Variants in NKAIN2 observed in about 807,000 individuals in gnomAD.
NKAIN2 encodes the protein sodium/potassium-transporting ATPase subunit beta-1-interacting protein 2.
Under a neutral mutation model 32.6 loss-of-function variants are expected in NKAIN2, and 14 were observed. That is an observed-to-expected ratio of 0.43 (90% CI 0.28 to 0.67). NKAIN2 has a LOEUF of 0.67. NKAIN2 is among the 30% of genes least tolerant of loss of function. The probability of loss-of-function intolerance (pLI) is 0.17; values close to 1 mark genes in which losing one functional copy is unlikely to be tolerated. For missense variants in NKAIN2, 198 were observed against 258.3 expected (o/e 0.77, Z 1.60); for synonymous variants, 80 against 87.2 (o/e 0.92, Z 0.46).
At chr6:124,582,485 A>G (rs1434850720) in intron 3 of NKAIN2, among the ~76,000 whole-genome samples, 1 of 152,190 alleles carries the variant, frequency 6.6e-6, no homozygotes, top group African/African-American at 2.4e-5. Context: ...CCCAGCAATG[A>G]AAAGCTCAGG....
At chr6:124,485,670 C>T (rs555771) in intron 3 of NKAIN2, among the ~76,000 whole-genome samples, 148,409 of 152,246 alleles carry the variant, frequency 0.97, 72,440 homozygotes, top group East Asian at 1. Context: ...CCTCAGATGA[C>T]CTTCTGACCC....
intron 1 of NKAIN2, among the ~76,000 whole-genome samples, chr6:124,123,033 CTA>C (rs2114991906): frequency 6.6e-6 from 1 of 151,952 alleles, no homozygotes; most frequent in East Asian, 1.9e-4. Flanking sequence ...ATTTTAATCT[CTA>C]TTGTGATAAG....
At chr6:123,816,992 G>A (rs1232665801) in intron 1 of NKAIN2, among the ~76,000 whole-genome samples, 2 of 152,144 alleles carry the variant, frequency 1.3e-5, no homozygotes, top group Non-Finnish European at 2.9e-5. Context: ...AACACAGTGA[G>A]GAGAGAAAAA....
At chr6:124,380,355 G>A (rs1480426538) in intron 3 of NKAIN2, among the ~76,000 whole-genome samples, 1 of 152,164 alleles carries the variant, frequency 6.6e-6, no homozygotes, top group Non-Finnish European at 1.5e-5. Context: ...ATATTTCCTA[G>A]GGACTATATT....
At chr6:124,795,601 A>G (rs1277795164) in intron 5 of NKAIN2, among the ~76,000 whole-genome samples, 1 of 152,178 alleles carries the variant, frequency 6.6e-6, no homozygotes, top group Non-Finnish European at 1.5e-5. Flanking sequence ...GCAACATATT[A>G]TAAGTAAGGT....
At chr6:124,136,938 T>A (rs1384577358) in intron 1 of NKAIN2, among the ~76,000 whole-genome samples, 1 of 152,202 alleles carries the variant, frequency 6.6e-6, no homozygotes, top group Non-Finnish European at 1.5e-5. Flanking sequence ...TATTCCCCCC[T>A]GAGAATTAGA....
At chr6:124,557,622 C>T (rs911473112) in intron 3 of NKAIN2, among the ~76,000 whole-genome samples, 5 of 152,276 alleles carry the variant, frequency 3.3e-5, no homozygotes, top group African/African-American at 4.8e-5. Flanking sequence ...CTGTTCCCCA[C>T]GTTTTCACAG....
At chr6:124,622,268 A>T (rs751509019) in intron 3 of NKAIN2, among the ~76,000 whole-genome samples, 4 of 152,166 alleles carry the variant, frequency 2.6e-5, no homozygotes, top group African/African-American at 4.8e-5. Flanking sequence ...TTATAAGAAT[A>T]CTTACCACTG....
intron 3 of NKAIN2, among the ~76,000 whole-genome samples, chr6:124,536,338 G>A (rs1222948564): frequency 6.6e-6 from 1 of 152,044 alleles, no homozygotes; most frequent in Non-Finnish European, 1.5e-5. Context: ...TCCTAAAGTA[G>A]AAATAATCGC....
At chr6:124,286,318 C>T (rs945828430) in intron 2 of NKAIN2, among the ~76,000 whole-genome samples, 3 of 151,810 alleles carry the variant, frequency 2.0e-5, no homozygotes, top group African/African-American at 2.4e-5. Context: ...TAATCATTTC[C>T]AACAAAAATA....
intron 5 of NKAIN2, among the ~76,000 whole-genome samples, chr6:124,800,540 A>G (rs547106219): frequency 6.6e-6 from 1 of 152,350 alleles, no homozygotes; most frequent in South Asian, 2.1e-4. Context: ...TTGTTTAAAT[A>G]ATAGAAAGTA....
chr6:124,576,482 G>T (rs1158819372), intron 3 of NKAIN2, among the ~76,000 whole-genome samples: 1 of 152,166 alleles, frequency 6.6e-6, no homozygotes, highest in Non-Finnish European at 1.5e-5. Context: ...GGGCTGGACA[G>T]CTTACAAATA....
intron 5 of NKAIN2, among the ~76,000 whole-genome samples, chr6:124,792,829 A>C (rs1313651159): frequency 6.6e-6 from 1 of 152,172 alleles, no homozygotes; most frequent in African/African-American, 2.4e-5. Context: ...GAAAATTGGA[A>C]AAACAAGTAT....
chr6:124,480,028 T>C (rs1185052518), intron 3 of NKAIN2, among the ~76,000 whole-genome samples: 1 of 152,206 alleles, frequency 6.6e-6, no homozygotes, highest in East Asian at 1.9e-4. Context: ...ATCAAACAGA[T>C]TGCAGAGGAA....
At chr6:123,936,608 T>A (rs1562266285) in intron 1 of NKAIN2, among the ~76,000 whole-genome samples, 2 of 152,140 alleles carry the variant, frequency 1.3e-5, no homozygotes, top group Non-Finnish European at 2.9e-5. Flanking sequence ...AATATAAAGA[T>A]AATGTATTAA....
chr6:124,670,680 T>TGTGTGTGTGTGTGTG (rs1554248182), intron 4 of NKAIN2, among the ~76,000 whole-genome samples: 3 of 151,216 alleles, frequency 2.0e-5, no homozygotes, highest in Non-Finnish European at 3.0e-5. Context: ...TGTGTGTGTG[T>TGTGTGTGTGTGTGTG]TGCATAATAG....
At chr6:124,581,958 A>C (rs1781540397) in intron 3 of NKAIN2, among the ~76,000 whole-genome samples, 1 of 152,164 alleles carries the variant, frequency 6.6e-6, no homozygotes, top group Admixed American at 6.5e-5. Context: ...CATCTTAAAT[A>C]AATAGAACAG....
chr6:124,628,187 G>A (rs767613065), intron 3 of NKAIN2, among the ~76,000 whole-genome samples: 14 of 151,726 alleles, frequency 9.2e-5, no homozygotes, highest in Non-Finnish European at 1.3e-4. Flanking sequence ...AAATCTTTCC[G>A]TTCCTTTAGG....
chr6:123,921,939 A>G (rs1775776122), intron 1 of NKAIN2, among the ~76,000 whole-genome samples: 2 of 152,138 alleles, frequency 1.3e-5, no homozygotes, highest in Admixed American at 1.3e-4. Context: ...TCCAAAAAAA[A>G]AAAAATGCCT....
Sources: gnomAD v4.1 joint callset for allele counts (sites outside exome capture counted in the v4.1 genomes callset) on GRCh38, gnomAD v4.1.1 for gene constraint, MANE v1.5 for transcripts, NCBI Gene and HGNC (gene_info 2026-07-23, HGNC 2026-07-21) for gene names.